PCDHA13: variants seen among roughly 807,000 people sequenced by gnomAD.
PCDHA13 encodes protocadherin alpha 13.
A neutral mutation model predicts 64.8 loss-of-function variants in PCDHA13; 54 were observed. The observed-to-expected ratio is 0.83, with a 90% CI of 0.67 to 1.04. PCDHA13 has a LOEUF of 1.04. Among genes scored for constraint, PCDHA13 ranks in the 50% least tolerant of loss-of-function variants. The pLI is 0.00. For synonymous variants in PCDHA13, 587 were observed against 564.4 expected (o/e 1.04, Z -0.57); for missense variants, 1,248 against 1,254.3 (o/e 0.99, Z 0.08).
intron 1 of PCDHA13, chr5:140,928,228 C>T: frequency 6.2e-7 from 1 of 1,614,218 alleles, no homozygotes; most frequent in Non-Finnish European, 8.5e-7. Context: ...ACCAAACTTT[C>T]CTCAACCCCA....
Position 141,009,631 on chromosome 5 carries a change from A to G in PCDHA13, c.2547A>G (p.Pro849=). 6.2e-7 allele frequency: 1 copy of G among 1,613,068 alleles called. No individual in the cohort carries two copies. The highest frequency in any genetic ancestry group is 8.5e-7 in the Non-Finnish European group (1 of 1,179,354). The change falls in exon 4 of 4, where the codon CCA becomes CCG. Residue 849 remains proline (P), a synonymous_variant. Transcript: ENST00000289272. ...WPTVSSATPE[P]EAGEVSPPVG... is the part of the protein sequence containing the mutation. ...TTGTAATGTTTTGTCTTTCAGAACC[A>G]GAGGCAGGAGAAGTGTCCCCTCCAG...
At chr5:140,922,430 A>G (rs574413053) in intron 1 of PCDHA13, among the ~76,000 whole-genome samples, 6 of 152,246 alleles carry the variant, frequency 3.9e-5, no homozygotes, top group Non-Finnish European at 7.3e-5. Context: ...GGCTGAGGGC[A>G]GAACTCTCTC....
At chr5:140,986,530 G>C (rs1341824536) in intron 3 of PCDHA13, among the ~76,000 whole-genome samples, 1 of 152,162 alleles carries the variant, frequency 6.6e-6, no homozygotes, top group African/African-American at 2.4e-5. Context: ...GAGGGAACTG[G>C]CCTGGCTTCA....
rs149837711 is a variant in PCDHA13 at position 140,940,786 on chromosome 5, G to A, written c.2395-38163G>A. Reference sequence around the variant, plus strand: ...TTTGACTTTTGATGGTCCATATCCTGAAAATGATATTTGCCAGGATATCCT... The same window carrying A: ...TTTGACTTTTGATGGTCCATATCCTAAAAATGATATTTGCCAGGATATCCT... On this transcript the variant is annotated intron_variant, in intron 1 of 3. Coordinates refer to ENST00000289272, the MANE Select transcript of PCDHA13 (RefSeq NM_018904.3). 1.1e-4 allele frequency among the ~76,000 whole-genome samples: 17 copies of A among 152,224 alleles called. 1 individual carries two copies. The East Asian group carries it at 2.9e-3, about 26-fold the overall frequency.
In PCDHA13 at chr5:140,882,767, G is replaced by GC; in HGVS notation, c.500dup (p.Leu168IlefsTer20). On this transcript the variant is annotated frameshift_variant, in exon 1 of 4. Coordinates refer to ENST00000289272, the MANE Select transcript of PCDHA13 (RefSeq NM_018904.3). LOFTEE classifies it high-confidence loss of function. ...CGATGCAGATATTGGAGTAAACTCG[G>GC]CATTGACCTACCGACTGGATCCCAA... 6.2e-7 allele frequency: 1 copy of GC among 1,614,176 alleles called. No homozygotes were observed. Among genetic ancestry groups the GC allele is most frequent in the Non-Finnish European group, 8.5e-7 (1 of 1,180,034 alleles).
At chr5:140,995,342 A>G (rs2097678065) in intron 3 of PCDHA13, among the ~76,000 whole-genome samples, 1 of 152,122 alleles carries the variant, frequency 6.6e-6, no homozygotes, top group African/African-American at 2.4e-5. Flanking sequence ...TGTAGACGGC[A>G]TGGATAGGTC....
chr5:140,883,065 C>G lies in PCDHA13; in HGVS notation c.797C>G (p.Ala266Gly). Reference protein sequence around the residue: ...FNGTLVIKLNATDPDDGTNGD... With the variant: ...FNGTLVIKLNGTDPDDGTNGD... ...GGAACATTAGTGATCAAGCTAAATG[C>G]CACAGATCCTGATGATGGTACAAAT... Residue 266 changes from alanine to glycine, a missense_variant, in exon 1 of 4, where the codon GCC becomes GGC. Ala to Gly is a moderately conservative substitution (Grantham distance 60). Transcript: ENST00000289272. 1 of 1,614,056 alleles carries G rather than the reference C, an allele frequency of 6.2e-7. No homozygotes were observed. The highest frequency in any genetic ancestry group is 8.5e-7 in the Non-Finnish European group (1 of 1,180,028).
chr5:140,949,260 T>A (rs1292112980), intron 1 of PCDHA13, among the ~76,000 whole-genome samples: 1 of 151,804 alleles, frequency 6.6e-6, no homozygotes, highest in African/African-American at 2.4e-5. Flanking sequence ...GATGAACATA[T>A]CACGTGCACT....
chr5:140,883,610 G>C lies in PCDHA13; in HGVS notation c.1342G>C (p.Val448Leu). 1 of 1,614,046 alleles carries C rather than the reference G, an allele frequency of 6.2e-7. No individual in the cohort carries two copies. Among genetic ancestry groups the C allele is most frequent in the Non-Finnish European group, 8.5e-7 (1 of 1,179,940 alleles). The change falls in exon 1 of 4, where the codon GTG becomes CTG. Residue 448 changes from valine (V) to leucine (L), a missense_variant. Coordinates refer to ENST00000289272, the MANE Select transcript of PCDHA13 (RefSeq NM_018904.3). ...TASVSVGVAD[V>L]NDNAPAFAQP... ...CAGCGTGTCGGTGGGGGTGGCCGAC[G>C]TGAACGACAACGCGCCGGCGTTCGC... is the stretch of plus-strand genomic sequence containing the variant.
intron 3 of PCDHA13, among the ~76,000 whole-genome samples, chr5:140,987,224 A>T (rs28567024): frequency 4.6e-5 from 7 of 152,044 alleles, no homozygotes; most frequent in East Asian, 1.9e-4. Context: ...AAAAAAAAAA[A>T]AAATAATAAA....
At chr5:140,962,543 G>A (rs962454688) in intron 1 of PCDHA13, among the ~76,000 whole-genome samples, 1 of 152,176 alleles carries the variant, frequency 6.6e-6, no homozygotes, top group African/African-American at 2.4e-5. Flanking sequence ...AACTAAAAAT[G>A]TAGAGGATCT....
intron 1 of PCDHA13, among the ~76,000 whole-genome samples, chr5:140,938,848 G>T (rs1554212426): frequency 6.6e-6 from 1 of 151,980 alleles, no homozygotes; most frequent in Non-Finnish European, 1.5e-5. Flanking sequence ...ACCTGCCCAT[G>T]TACCCCTGAA....
intron 1 of PCDHA13, among the ~76,000 whole-genome samples, chr5:140,962,168 C>A (rs1207333516): frequency 1.3e-5 from 2 of 152,152 alleles, no homozygotes; most frequent in African/African-American, 4.8e-5. Flanking sequence ...AGCCACCACA[C>A]CCGGCCACTT....
chr5:140,984,392 G>C (rs914978799), intron 3 of PCDHA13, among the ~76,000 whole-genome samples: 1 of 152,156 alleles, frequency 6.6e-6, no homozygotes, highest in South Asian at 2.1e-4. Context: ...TTCAAAAAAT[G>C]TTGAGAACCT....
chr5:140,912,497 T>A (rs2075943539), intron 1 of PCDHA13, among the ~76,000 whole-genome samples: 1 of 152,174 alleles, frequency 6.6e-6, no homozygotes. Context: ...ATCTAGGAGC[T>A]TTTTGGATGA....
At chr5:140,970,464 G>T (rs2096408291) in intron 1 of PCDHA13, among the ~76,000 whole-genome samples, 1 of 152,154 alleles carries the variant, frequency 6.6e-6, no homozygotes, top group African/African-American at 2.4e-5. Flanking sequence ...ATTTAAGTAG[G>T]TATAAGGCCA....
chr5:140,953,951 A>C (rs1554221165), intron 1 of PCDHA13, among the ~76,000 whole-genome samples: 1 of 151,876 alleles, frequency 6.6e-6, no homozygotes, highest in Admixed American at 6.6e-5. Context: ...TGCTCCCCCA[A>C]CAGGCCCCAG....
At chr5:140,942,539 TG>T (rs1370746759) in intron 1 of PCDHA13, among the ~76,000 whole-genome samples, 2 of 151,338 alleles carry the variant, frequency 1.3e-5, no homozygotes, top group Admixed American at 6.6e-5. Flanking sequence ...CTCAGTATGG[TG>T]GGGGGTAGGG....
chr5:140,980,504 C>G (rs1440940887), intron 2 of PCDHA13, among the ~76,000 whole-genome samples: 4 of 152,122 alleles, frequency 2.6e-5, no homozygotes, highest in Non-Finnish European at 5.9e-5. Flanking sequence ...ATGGCATGTG[C>G]CTGTAGTTCC....
Sources: allele counts gnomAD v4.1 joint callset (sites outside exome capture counted in the v4.1 genomes callset), GRCh38; gene constraint gnomAD v4.1.1; transcripts MANE v1.5; gene names NCBI Gene and HGNC (gene_info 2026-07-23, HGNC 2026-07-21).